The following LRFN5 variants were observed in gnomAD, a reference collection of about 807,000 sequenced individuals.
LRFN5 encodes leucine-rich repeat and fibronectin type-III domain-containing protein 5.
In LRFN5, 24 loss-of-function variants were observed where a neutral mutation model predicts 45.6. That is an observed-to-expected ratio of 0.53 (90% CI 0.38 to 0.74). LRFN5 has a LOEUF of 0.74. Ranked by LOEUF, LRFN5 falls within the 30% of genes least tolerant of loss-of-function variation. The probability of loss-of-function intolerance (pLI) is 0.00; values close to 1 mark genes in which losing one functional copy is unlikely to be tolerated. For synonymous variants in LRFN5, 340 were observed against 313.8 expected (o/e 1.08, Z -0.88); for missense variants, 776 against 861.5 (o/e 0.90, Z 1.24).
chr14:41,719,019 C>T (rs1159004972), intron 1 of LRFN5, among the ~76,000 whole-genome samples: 3 of 152,174 alleles, frequency 2.0e-5, no homozygotes, highest in South Asian at 4.1e-4. Flanking sequence ...GGAAGCTGAA[C>T]ACTCTGGATT....
At chr14:41,741,419 T>G (rs532813988) in intron 1 of LRFN5, among the ~76,000 whole-genome samples, 1 of 151,862 alleles carries the variant, frequency 6.6e-6, no homozygotes, top group Non-Finnish European at 1.5e-5. Context: ...GTCAATTGAT[T>G]TTCCACAAAG....
chr14:41,829,637 T>C (rs889739842), intron 2 of LRFN5, among the ~76,000 whole-genome samples: 3 of 151,944 alleles, frequency 2.0e-5, no homozygotes, highest in Non-Finnish European at 4.4e-5. Flanking sequence ...TCTTTGTTTA[T>C]AAAATTCCCT....
intron 2 of LRFN5, among the ~76,000 whole-genome samples, chr14:41,869,440 T>A (rs115074410): frequency 0.035 from 5,275 of 151,400 alleles, 129 homozygotes; most frequent in African/African-American, 0.07. Context: ...TTTTTTTTTT[T>A]AAAAAAAGGT....
Position 41,681,795 on chromosome 14 carries a change from A to ATTTT in LRFN5, c.-197+73234_-197+73237dup, listed in dbSNP as rs1555354118. On this transcript the variant is annotated intron_variant, in intron 1 of 5. Coordinates refer to ENST00000298119, the MANE Select transcript of LRFN5 (RefSeq NM_152447.5). Reference sequence around the variant, plus strand: ...ATAAACTACTCTTTTATTTTATTTTATTTTATTTATTTATTTATTTATTTA... The same window carrying ATTTT: ...ATAAACTACTCTTTTATTTTATTTTATTTTTTTTATTTATTTATTTATTTATTTA... Among the ~76,000 whole-genome samples the ATTTT allele has an allele frequency of 3.9e-4, 41 of 106,314 alleles. 1 individual carries two copies. Among genetic ancestry groups the ATTTT allele is most frequent in the African/African-American group, 9.0e-4 (20 of 22,344 alleles). The allele number at this position is 106,314 out of a possible 152,430, so 69.7% of individuals were successfully genotyped here. A position where few individuals can be genotyped will look rare whatever the true frequency, so the allele number is the denominator to read the frequency against.
chr14:41,624,929 A>G (rs960189669), intron 1 of LRFN5, among the ~76,000 whole-genome samples: 1 of 147,768 alleles, frequency 6.8e-6, no homozygotes, highest in Non-Finnish European at 1.5e-5. Flanking sequence ...TTCATGTCTT[A>G]TTTGCAAAGA....
chr14:41,717,582 T>G (rs1216565777), intron 1 of LRFN5, among the ~76,000 whole-genome samples: 1 of 152,178 alleles, frequency 6.6e-6, no homozygotes, highest in African/African-American at 2.4e-5. Context: ...TCACCACAGC[T>G]TCCACTGTTG....
intron 1 of LRFN5, among the ~76,000 whole-genome samples, chr14:41,656,638 G>C (rs1034820179): frequency 2.6e-5 from 4 of 151,808 alleles, no homozygotes; most frequent in African/African-American, 9.7e-5. Context: ...GTGTACTTTA[G>C]ATAGATACTC....
intron 2 of LRFN5, among the ~76,000 whole-genome samples, chr14:41,781,611 AGAAAGAGAAAGAAAGAAAGAAAG>A (rs1274189512): frequency 1.4e-4 from 14 of 99,488 alleles, no homozygotes; most frequent in African/African-American, 7.0e-4. Flanking sequence ...AAAGAAAGAA[AGAAAGAGAAAGAAAGAAAGAAAG>A]GAAAGAAAGA....
intron 1 of LRFN5, among the ~76,000 whole-genome samples, chr14:41,703,087 A>G (rs1882905020): frequency 6.6e-6 from 1 of 152,318 alleles, no homozygotes; most frequent in East Asian, 1.9e-4. Context: ...GAATATTTTA[A>G]GACTGCAGTG....
At position 41,788,372 on chromosome 14, in the gene LRFN5, TG is replaced by T. The variant is rs199649150; in HGVS notation, c.-21+21345del. Among the ~76,000 whole-genome samples the T allele has an allele frequency of 2.1e-3, 221 of 106,100 alleles. 1 individual carries two copies. The highest frequency in any genetic ancestry group is 7.3e-4 in the Non-Finnish European group (38 of 52,176). The allele number at this position is 106,100 out of a possible 152,430, so 69.6% of individuals were successfully genotyped here. The stretch of plus-strand genomic sequence containing the variant: ...TCCATTGATATTTACTTATCTTTTC[TG>T]GTTTTTTGTCCTTATTCCTCTTAAA... On this transcript the variant is annotated intron_variant, in intron 2 of 5. Transcript: ENST00000298119.
intron 1 of LRFN5, among the ~76,000 whole-genome samples, chr14:41,636,068 T>G (rs1879291793): frequency 6.6e-6 from 1 of 152,112 alleles, no homozygotes; most frequent in Admixed American, 6.6e-5. Flanking sequence ...AGATAAGGAA[T>G]TCATATTAGG....
Position 41,704,434 on chromosome 14 carries a change from C to CTGTGTGTGTGTGTGTG in LRFN5, c.-196-62419_-196-62418insGTGTGTGTGTGTGTGT, listed in dbSNP as rs1255294858. 4.7e-3 allele frequency among the ~76,000 whole-genome samples: 201 copies of CTGTGTGTGTGTGTGTG among 43,056 alleles called. 2 individuals carry two copies. The highest frequency in any genetic ancestry group is 0.012 in the South Asian group (19 of 1,544). The allele number at this position is 43,056 out of a possible 152,430, so 28.2% of individuals were successfully genotyped here. A position where few individuals can be genotyped will look rare whatever the true frequency, so the allele number is the denominator to read the frequency against. On this transcript the variant is annotated intron_variant, in intron 1 of 5. Coordinates refer to ENST00000298119, the MANE Select transcript of LRFN5 (RefSeq NM_152447.5). ...TCTCTCTCTCTCTCTCTCTCTCTCT[C>CTGTGTGTGTGTGTGTG]TCTCTCTCTCTCTCTGTGTGTGTGT...
intron 2 of LRFN5, among the ~76,000 whole-genome samples, chr14:41,856,676 T>TTATTATTATTATTATTA (rs556475186): frequency 4.3e-4 from 3 of 6,986 alleles, no homozygotes; most frequent in African/African-American, 6.7e-4. Flanking sequence ...ATTATTATTA[T>TTATTATTATTATTATTA]TTTTTTTTTT....
At chr14:41,721,727 A>G (rs541069437) in intron 1 of LRFN5, among the ~76,000 whole-genome samples, 2 of 152,274 alleles carry the variant, frequency 1.3e-5, no homozygotes, top group East Asian at 3.9e-4. Context: ...ATTTATGCAG[A>G]AAAGTCTCCC....
chr14:41,869,384 C>T (rs1889941921), intron 2 of LRFN5, among the ~76,000 whole-genome samples: 1 of 151,466 alleles, frequency 6.6e-6, no homozygotes, highest in Admixed American at 6.6e-5. Context: ...CTTACGTTTC[C>T]TAAATGTCAG....
chr14:41,773,302 C>T (rs1320145638), intron 2 of LRFN5, among the ~76,000 whole-genome samples: 1 of 152,130 alleles, frequency 6.6e-6, no homozygotes, highest in Admixed American at 6.5e-5. Flanking sequence ...ATTCAGTAGT[C>T]ACTTTCTGAA....
intron 2 of LRFN5, among the ~76,000 whole-genome samples, chr14:41,827,482 T>G (rs4506804): frequency 0.5 from 75,269 of 151,660 alleles, 19,296 homozygotes; most frequent in African/African-American, 0.54. Flanking sequence ...TTTTATTTGC[T>G]AGAGGAAATA....
At chr14:41,756,564 G>T (rs1051481318) in intron 1 of LRFN5, among the ~76,000 whole-genome samples, 2 of 152,232 alleles carry the variant, frequency 1.3e-5, no homozygotes, top group Non-Finnish European at 2.9e-5. Context: ...ACTGAGGCTT[G>T]TGCATTGGTC....
intron 1 of LRFN5, among the ~76,000 whole-genome samples, chr14:41,641,152 G>C (rs976846460): frequency 1.3e-5 from 2 of 152,096 alleles, no homozygotes; most frequent in African/African-American, 4.8e-5. Flanking sequence ...ACAGTAACTT[G>C]AGACATATTT....
Sources: gnomAD v4.1 joint callset for allele counts (sites outside exome capture counted in the v4.1 genomes callset) on GRCh38, gnomAD v4.1.1 for gene constraint, MANE v1.5 for transcripts, NCBI Gene and HGNC (gene_info 2026-07-23, HGNC 2026-07-21) for gene names.